CPPED1: variants seen among roughly 807,000 people sequenced by gnomAD.
CPPED1 encodes the protein calcineurin like phosphoesterase domain containing 1, also known as serine/threonine-protein phosphatase CPPED1.
Under a neutral mutation model 28.0 loss-of-function variants are expected in CPPED1, and 28 were observed. The observed-to-expected ratio is 1.00, with a 90% CI of 0.74 to 1.37. CPPED1 has a LOEUF of 1.37. Ranked by LOEUF, CPPED1 falls within the 40% of genes most tolerant of loss-of-function variation. The pLI is 0.00. For missense variants in CPPED1, 504 were observed against 416.5 expected (o/e 1.21, Z -1.83); for synonymous variants, 198 against 180.2 (o/e 1.10, Z -0.79).
At chr16:12,668,008 G>A (rs1034369026) in intron 3 of CPPED1, among the ~76,000 whole-genome samples, 1 of 152,098 alleles carries the variant, frequency 6.6e-6, no homozygotes, top group Non-Finnish European at 1.5e-5. Flanking sequence ...ATAAAGAAAT[G>A]ATAATCACAC....
rs565551482 is a variant in CPPED1 at position 12,759,867 on chromosome 16, G to C, written c.289+21318C>G. 2.0e-5 allele frequency among the ~76,000 whole-genome samples: 3 copies of C among 152,344 alleles called. No homozygotes were observed. The South Asian group carries it at 6.2e-4, about 32-fold the overall frequency. On this transcript the variant is annotated intron_variant, in intron 2 of 3. Coordinates refer to ENST00000381774, the MANE Select transcript of CPPED1 (RefSeq NM_018340.3). ...TGTGAGACAATTAAACCCGTATCAG[G>C]TGGTATCCTTATATCAGTGTGAAAA...
At chr16:12,790,948 A>G (rs1282928369) in intron 1 of CPPED1, among the ~76,000 whole-genome samples, 1 of 151,112 alleles carries the variant, frequency 6.6e-6, no homozygotes, top group Non-Finnish European at 1.5e-5. Context: ...AAAGAGTAGA[A>G]CATAGTATTA....
intron 2 of CPPED1, among the ~76,000 whole-genome samples, chr16:12,740,172 C>T (rs1025814052): frequency 1.6e-4 from 24 of 152,040 alleles, no homozygotes; most frequent in African/African-American, 4.3e-4. Context: ...TTAGGCCGGG[C>T]GCAGTGGCTC....
intron 2 of CPPED1, among the ~76,000 whole-genome samples, chr16:12,746,760 G>A (rs8049496): frequency 0.1 from 15,579 of 152,206 alleles, 1,748 homozygotes; most frequent in African/African-American, 0.28. Flanking sequence ...CACAGGAATG[G>A]AGGAATGGGT....
chr16:12,755,655 G>A (rs971255109), intron 2 of CPPED1, among the ~76,000 whole-genome samples: 3 of 152,164 alleles, frequency 2.0e-5, no homozygotes, highest in Non-Finnish European at 4.4e-5. Flanking sequence ...ATACTTTCCA[G>A]AAGGCTAATA....
chr16:12,706,587 T>C (rs369637981), intron 2 of CPPED1, among the ~76,000 whole-genome samples: 128 of 150,238 alleles, frequency 8.5e-4, no homozygotes, highest in African/African-American at 3.0e-3. Context: ...CTCAAAGATT[T>C]TGACTCCATG....
intron 2 of CPPED1, among the ~76,000 whole-genome samples, chr16:12,746,954 A>T (rs2080292811): frequency 6.6e-6 from 1 of 152,102 alleles, no homozygotes; most frequent in South Asian, 2.1e-4. Context: ...ATCTAAAAGA[A>T]GTGAGGAAAA....
chr16:12,727,649 G>T (rs535081187), intron 2 of CPPED1, among the ~76,000 whole-genome samples: 1 of 152,136 alleles, frequency 6.6e-6, no homozygotes, highest in Admixed American at 6.5e-5. Flanking sequence ...ATGCCTGACC[G>T]AAAGCCATCT....
intron 2 of CPPED1, among the ~76,000 whole-genome samples, chr16:12,724,133 T>A (rs920149108): frequency 8.5e-5 from 13 of 152,086 alleles, no homozygotes; most frequent in African/African-American, 2.9e-4. Flanking sequence ...AGGTCAGGAA[T>A]GACAAGGAAG....
chr16:12,690,345 C>A (rs2079955868), intron 3 of CPPED1, among the ~76,000 whole-genome samples: 1 of 151,486 alleles, frequency 6.6e-6, no homozygotes, highest in Non-Finnish European at 1.5e-5. Flanking sequence ...GAAACCCAGT[C>A]TTTATTGAAA....
At chr16:12,738,130 C>T (rs994997336) in intron 2 of CPPED1, among the ~76,000 whole-genome samples, 3 of 152,040 alleles carry the variant, frequency 2.0e-5, no homozygotes, top group African/African-American at 4.8e-5. Flanking sequence ...ATGTGCATCA[C>T]GAGAAGAGCA....
intron 1 of CPPED1, among the ~76,000 whole-genome samples, chr16:12,792,519 A>T (rs1385106178): frequency 1.3e-5 from 2 of 152,148 alleles, no homozygotes; most frequent in Admixed American, 1.3e-4. Context: ...ATACCACAGG[A>T]ATCCCCCCAG....
rs1444960912 is a variant in CPPED1, at chr16:12,664,540, T to G, written c.*346A>C. 1.8e-6 allele frequency: 2 copies of G among 1,084,172 alleles called. No homozygotes were observed. The highest frequency in any genetic ancestry group is 1.7e-5 in the African/African-American group (1 of 58,596). The allele number at this position is 1,084,172 out of a possible 1,614,324, so 67.2% of individuals were successfully genotyped here. A position where few individuals can be genotyped will look rare whatever the true frequency, so the allele number is the denominator to read the frequency against. On this transcript the variant is annotated 3_prime_UTR_variant, in exon 4 of 4. Coordinates refer to ENST00000381774, the MANE Select transcript of CPPED1 (RefSeq NM_018340.3). The surrounding 1 kb of genome is among the most constrained non-coding windows in gnomAD (Gnocchi z 4.2). ...CTTGGCTGTCAGATTGGAATTGAGG[T>G]CGATAGGCAGACTTTGACCATATGC... is the stretch of plus-strand genomic sequence containing the variant.
chr16:12,681,362 G>A (rs1031338640), intron 3 of CPPED1, among the ~76,000 whole-genome samples: 1 of 152,004 alleles, frequency 6.6e-6, no homozygotes, highest in Non-Finnish European at 1.5e-5. Flanking sequence ...TCTTGCCAGG[G>A]ATGCCCCAAC....
chr16:12,785,857 C>T (rs1282141030), intron 1 of CPPED1, among the ~76,000 whole-genome samples: 1 of 151,438 alleles, frequency 6.6e-6, no homozygotes, highest in Non-Finnish European at 1.5e-5. Flanking sequence ...ACTCTTTTAG[C>T]AACTTGAGCC....
intron 2 of CPPED1, among the ~76,000 whole-genome samples, chr16:12,766,290 GAGAA>G (rs2080438892): frequency 6.8e-6 from 1 of 146,904 alleles, no homozygotes; most frequent in Non-Finnish European, 1.5e-5. Context: ...GAGAGAGAGA[GAGAA>G]AGAGAGAGAG....
At chr16:12,794,247 AG>A (rs908281226) in intron 1 of CPPED1, among the ~76,000 whole-genome samples, 1 of 152,152 alleles carries the variant, frequency 6.6e-6, no homozygotes, top group Non-Finnish European at 1.5e-5. Context: ...TCTTGGATTA[AG>A]GAAAATGTTC....
At chr16:12,747,953 C>T (rs1331589580) in intron 2 of CPPED1, among the ~76,000 whole-genome samples, 1 of 152,182 alleles carries the variant, frequency 6.6e-6, no homozygotes, top group Non-Finnish European at 1.5e-5. Context: ...CCACGCAGTG[C>T]CCGTCTCACA....
chr16:12,743,267 G>T (rs1188321071), intron 2 of CPPED1, among the ~76,000 whole-genome samples: 1 of 152,128 alleles, frequency 6.6e-6, no homozygotes, highest in East Asian at 1.9e-4. Flanking sequence ...TGGAAATGGG[G>T]CCACTGGCAT....
Sources: gnomAD v4.1 joint callset for allele counts (sites outside exome capture counted in the v4.1 genomes callset) on GRCh38, gnomAD v4.1.1 for gene constraint, Gnocchi (gnomAD v3.1) non-coding constraint, MANE v1.5 for transcripts, NCBI Gene and HGNC (gene_info 2026-07-23, HGNC 2026-07-21) for gene names.